USH2A: variants seen among roughly 807,000 people sequenced by gnomAD.
USH2A encodes usherin.
Under a neutral mutation model 538.9 loss-of-function variants are expected in USH2A, and 443 were observed. The ratio of observed to expected loss-of-function variants is 0.82; its 90% CI spans 0.76 to 0.89. The LOEUF (loss-of-function observed/expected upper bound fraction) is 0.89, where lower values mean the gene tolerates loss of function less well. Ranked by LOEUF, USH2A falls within the 40% of genes least tolerant of loss-of-function variation. The pLI is 0.00. For missense variants in USH2A, 6,633 were observed against 6,324.8 expected (o/e 1.05, Z -1.65); for synonymous variants, 2,413 against 2,273.5 (o/e 1.06, Z -1.75).
chr1:216,371,914 T>G (rs531020015), intron 3 of USH2A, among the ~76,000 whole-genome samples: 1 of 152,360 alleles, frequency 6.6e-6, no homozygotes, highest in Admixed American at 6.5e-5. Flanking sequence ...TCACATAACT[T>G]TTCAGAGTGG....
chr1:216,196,742 C>A lies in USH2A; in HGVS notation c.4082-20G>T. On this transcript the variant is annotated intron_variant, in intron 18 of 71. Transcript: ENST00000307340. ...CAGGTGCTATCAATGAGAACAATAA[C>A]AATAACATCAAAACAATGAATGTCG... The A allele has an allele frequency of 6.2e-7, 1 of 1,609,684 alleles. No individual in the cohort carries two copies. The highest frequency in any genetic ancestry group is 2.2e-5 in the East Asian group (1 of 44,462).
intron 21 of USH2A, 66 bp downstream of exon 21, chr1:216,175,186 A>G (rs1167374836): frequency 2.5e-6 from 4 of 1,603,580 alleles, no homozygotes; most frequent in Non-Finnish European, 3.4e-6. Context: ...GTAAAGGGAT[A>G]TGAAAATATA....
intron 21 of USH2A, among the ~76,000 whole-genome samples, chr1:216,142,993 C>T (rs2033629220): frequency 6.6e-6 from 1 of 152,140 alleles, no homozygotes; most frequent in Non-Finnish European, 1.5e-5. Flanking sequence ...AAACAGTTAT[C>T]ATGTGTCCCC....
At chr1:215,926,839 C>T (rs968730541) in intron 38 of USH2A, among the ~76,000 whole-genome samples, 1 of 151,990 alleles carries the variant, frequency 6.6e-6, no homozygotes, top group Non-Finnish European at 1.5e-5. Flanking sequence ...AACTCCCAAC[C>T]TCAGGTGATC....
At chr1:215,974,885 C>G (rs1667585935) in intron 35 of USH2A, among the ~76,000 whole-genome samples, 1 of 152,112 alleles carries the variant, frequency 6.6e-6, no homozygotes, top group South Asian at 2.1e-4. Flanking sequence ...AATGGTGGTT[C>G]TGTTTTAAGT....
At chr1:216,351,115 T>A (rs1338834816) in intron 4 of USH2A, among the ~76,000 whole-genome samples, 2 of 152,168 alleles carry the variant, frequency 1.3e-5, no homozygotes, top group African/African-American at 4.8e-5. Context: ...ATCTTCTGGA[T>A]CCTGGGGTAT....
In USH2A at chr1:216,292,340, T is replaced by G. The variant is rs1281721284; in HGVS notation, c.1675A>C (p.Lys559Gln). Residue 559 changes from lysine to glutamine, a missense_variant, in exon 10 of 72, where the codon AAG becomes CAG. Lys to Gln is a moderately conservative substitution (Grantham distance 53, BLOSUM62 1). Coordinates refer to ENST00000307340, the MANE Select transcript of USH2A (RefSeq NM_206933.4). Reference sequence around the variant, plus strand: ...ACTTGATCACCTTGGCGGAAAGGCTTGTCATTATAAAGAGGCAAGCAGCGA... The same window carrying G: ...ACTTGATCACCTTGGCGGAAAGGCTGGTCATTATAAAGAGGCAAGCAGCGA... ...CDRCLPLYND[K>Q]PFRQGDQVYA... 6.2e-7 allele frequency: 1 copy of G among 1,613,970 alleles called. No homozygotes were observed.
chr1:216,178,036 A>G (rs983796665), intron 20 of USH2A, among the ~76,000 whole-genome samples: 1 of 152,192 alleles, frequency 6.6e-6, no homozygotes. Flanking sequence ...ATAAGAATTG[A>G]AGCCCTTAAA....
At chr1:216,156,288 T>TTTTTTC (rs2033936117) in intron 21 of USH2A, among the ~76,000 whole-genome samples, 2 of 92,830 alleles carry the variant, frequency 2.2e-5, no homozygotes, top group African/African-American at 9.3e-5. Context: ...TTCTTTCTTT[T>TTTTTTC]TTTTTTCTTT....
At chr1:216,298,485 C>T (rs2037148954) in intron 9 of USH2A, among the ~76,000 whole-genome samples, 1 of 152,134 alleles carries the variant, frequency 6.6e-6, no homozygotes, top group Admixed American at 6.5e-5. Flanking sequence ...ACAGTCCTGG[C>T]TGCCTTAATG....
rs184252798 is a variant in USH2A at position 215,704,075 on chromosome 1, C to T, written c.12067-23699G>A. On this transcript the variant is annotated intron_variant, in intron 61 of 71. Coordinates refer to ENST00000307340, the MANE Select transcript of USH2A (RefSeq NM_206933.4). ...TTCCTTTGGCTAGGGGAGGGAGTTCCCCGACCCCTTGCACTTCCCGGGTGA... is the reference window on the plus strand; with the variant it reads ...TTCCTTTGGCTAGGGGAGGGAGTTCTCCGACCCCTTGCACTTCCCGGGTGA... Among the ~76,000 whole-genome samples the T allele has an allele frequency of 9.2e-5, 14 of 152,296 alleles. No individual in the cohort carries two copies. In the East Asian group the frequency reaches 2.1e-3, roughly 23 times the overall value.
rs759745876 is a variant in USH2A at position 216,323,604 on chromosome 1, GGGTATTATAGA to G, written c.1409_1419del (p.Phe470SerfsTer24). On this transcript the variant is annotated frameshift_variant, in exon 8 of 72. Transcript: ENST00000307340. LOFTEE classifies it high-confidence loss of function. ...GCTTTTACGAACTCTTGAAGAGATG[GGGTATTATAGA>G]AGTTATTGTATCCAGGACGATAATT... The G allele has an allele frequency of 3.1e-6, 5 of 1,613,404 alleles. No individual in the cohort carries two copies. The African/African-American group carries it at 6.7e-5, about 22-fold the overall frequency.
chr1:216,323,276 T>TTTTA (rs977453658), intron 8 of USH2A, among the ~76,000 whole-genome samples, 198 bp downstream of exon 8: 15 of 137,102 alleles, frequency 1.1e-4, no homozygotes, highest in African/African-American at 2.1e-4. Flanking sequence ...AAAATACGTT[T>TTTTA]TATATATATA....
At chr1:215,869,148 T>C (rs1361237167) in intron 43 of USH2A, among the ~76,000 whole-genome samples, 2 of 152,168 alleles carry the variant, frequency 1.3e-5, no homozygotes, top group Non-Finnish European at 2.9e-5. Flanking sequence ...GGTGCTATTA[T>C]AATACCTATT....
intron 61 of USH2A, among the ~76,000 whole-genome samples, chr1:215,713,707 T>C (rs1236745831): frequency 6.6e-6 from 1 of 152,228 alleles, no homozygotes; most frequent in Non-Finnish European, 1.5e-5. Flanking sequence ...TTTGAAACTT[T>C]TATCAATTGT....
In USH2A at chr1:216,194,565, A is replaced by T. The variant is rs1217784725; in HGVS notation, c.4251+1988T>A. Among the ~76,000 whole-genome samples the T allele has an allele frequency of 2.0e-5, 3 of 152,136 alleles. No homozygotes were observed. The East Asian group carries it at 5.8e-4, about 29-fold the overall frequency. Reference sequence around the variant, plus strand: ...GAAATGGTAGGTATGCAGAGGTAAGACATATGTGTTCTAGAAAGTGAGACA... The same window carrying T: ...GAAATGGTAGGTATGCAGAGGTAAGTCATATGTGTTCTAGAAAGTGAGACA... On this transcript the variant is annotated intron_variant, in intron 19 of 71. Transcript: ENST00000307340.
intron 11 of USH2A, among the ~76,000 whole-genome samples, chr1:216,265,479 G>A: frequency 6.6e-6 from 1 of 152,008 alleles, no homozygotes; most frequent in Non-Finnish European, 1.5e-5. Context: ...ATATGATTCA[G>A]CAATCCCACT....
chr1:215,741,181 G>C (rs527612340), intron 60 of USH2A, among the ~76,000 whole-genome samples, 194 bp downstream of exon 60: 1 of 152,020 alleles, frequency 6.6e-6, no homozygotes, highest in South Asian at 2.1e-4. Context: ...ATTTGTAAAA[G>C]TTTGAGCACC....
chr1:215,987,690 A>C (rs926753685), intron 35 of USH2A, among the ~76,000 whole-genome samples: 12 of 152,216 alleles, frequency 7.9e-5, no homozygotes, highest in African/African-American at 2.7e-4. Flanking sequence ...CCTTGTTTGT[A>C]ATAGCAAAAA....
Sources: allele counts gnomAD v4.1 joint callset (sites outside exome capture counted in the v4.1 genomes callset), GRCh38; gene constraint gnomAD v4.1.1; transcripts MANE v1.5; gene names NCBI Gene and HGNC (gene_info 2026-07-23, HGNC 2026-07-21).